The following STAG1 variants were observed in gnomAD, a reference collection of about 807,000 sequenced individuals.
STAG1 encodes STAG1 cohesin complex component.
A neutral mutation model predicts 170.9 loss-of-function variants in STAG1; 26 were observed. The observed-to-expected ratio is 0.15, with a 90% confidence interval of 0.11 to 0.21. The LOEUF (loss-of-function observed/expected upper bound fraction) is 0.21, where lower values mean the gene tolerates loss of function less well. Among genes scored for constraint, STAG1 ranks in the 10% least tolerant of loss-of-function variants. The pLI, the probability that STAG1 is intolerant of heterozygous loss-of-function variation, is 1.00. For missense variants in STAG1, 964 were observed against 1,509.5 expected (o/e 0.64, Z 5.99); for synonymous variants, 514 against 497.7 (o/e 1.03, Z -0.44).
intron 1 of STAG1, among the ~76,000 whole-genome samples, chr3:136,631,723 A>G (rs1165038690): frequency 1.3e-5 from 2 of 152,194 alleles, no homozygotes; most frequent in Non-Finnish European, 2.9e-5. Context: ...GGCTCTAAAA[A>G]ACATAAAGTC....
At chr3:136,504,678 C>T (rs1933665844) in intron 7 of STAG1, among the ~76,000 whole-genome samples, 1 of 152,170 alleles carries the variant, frequency 6.6e-6, no homozygotes, top group South Asian at 2.1e-4. Flanking sequence ...TCAGTATCTA[C>T]CTCTACATAC....
intron 1 of STAG1, among the ~76,000 whole-genome samples, chr3:136,698,829 TG>T (rs1027628521): frequency 4.9e-4 from 75 of 152,012 alleles, no homozygotes; most frequent in Non-Finnish European, 3.2e-4. Context: ...AACCAATGAG[TG>T]GATGAAATAA....
In STAG1 at chr3:136,617,807, G is replaced by C. The variant is rs543502662; in HGVS notation, c.132+5339C>G. On this transcript the variant is annotated intron_variant, in intron 3 of 33. Coordinates refer to ENST00000383202, the MANE Select transcript of STAG1 (RefSeq NM_005862.3). ...TTTGATTTATAATGCTAAACCAAGA[G>C]GGTGGGCAAATAAAAATTTTGGTAT... Among the ~76,000 whole-genome samples the C allele has an allele frequency of 1.5e-3, 224 of 152,172 alleles. 2 individuals are homozygous for C. The highest frequency in any genetic ancestry group is 4.9e-3 in the African/African-American group (205 of 41,534).
intron 1 of STAG1, among the ~76,000 whole-genome samples, chr3:136,719,619 G>A (rs1394499051): frequency 1.5e-5 from 2 of 137,012 alleles, no homozygotes; most frequent in Non-Finnish European, 3.2e-5. Flanking sequence ...GGGTGGGTAG[G>A]TGGGTGGCTG....
chr3:136,621,132 C>CA (rs1043926417), intron 3 of STAG1, among the ~76,000 whole-genome samples: 198 of 139,456 alleles, frequency 1.4e-3, no homozygotes, highest in South Asian at 6.3e-3. Flanking sequence ...GGTTCCGTCT[C>CA]AAAAAAAAAA....
intron 13 of STAG1, among the ~76,000 whole-genome samples, chr3:136,464,291 C>T (rs1049292738): frequency 1.3e-5 from 2 of 151,766 alleles, no homozygotes; most frequent in Non-Finnish European, 2.9e-5. Flanking sequence ...GGCAGGGTGG[C>T]GCATGCCTGT....
At chr3:136,583,953 C>T (rs1398687946) in intron 4 of STAG1, among the ~76,000 whole-genome samples, 1 of 152,124 alleles carries the variant, frequency 6.6e-6, no homozygotes, top group Non-Finnish European at 1.5e-5. Flanking sequence ...TAGTATTTTC[C>T]CCACTGTAAA....
intron 1 of STAG1, among the ~76,000 whole-genome samples, chr3:136,687,015 C>T (rs773963045): frequency 1.3e-5 from 2 of 152,124 alleles, no homozygotes; most frequent in Non-Finnish European, 2.9e-5. Context: ...CTGGGACCAT[C>T]CAGTTGGATG....
intron 7 of STAG1, among the ~76,000 whole-genome samples, chr3:136,511,162 C>T (rs949836202): frequency 1.3e-5 from 2 of 152,194 alleles, no homozygotes; most frequent in African/African-American, 4.8e-5. Flanking sequence ...CCTGCTTCTC[C>T]TTTGCATTCT....
chr3:136,669,153 T>C (rs550970578), intron 1 of STAG1, among the ~76,000 whole-genome samples: 1 of 152,322 alleles, frequency 6.6e-6, no homozygotes, highest in South Asian at 2.1e-4. Flanking sequence ...GTTGTAGTAT[T>C]ACCTCTGTCA....
At chr3:136,570,069 G>C (rs1038342617) in intron 4 of STAG1, among the ~76,000 whole-genome samples, 1 of 151,930 alleles carries the variant, frequency 6.6e-6, no homozygotes, top group African/African-American at 2.4e-5. Flanking sequence ...GTGTACTAAG[G>C]TATATTTATA....
intron 1 of STAG1, among the ~76,000 whole-genome samples, chr3:136,746,542 G>A (rs1213538229): frequency 6.6e-6 from 1 of 152,032 alleles, no homozygotes; most frequent in Non-Finnish European, 1.5e-5. Flanking sequence ...TGTCTTAATT[G>A]CCTCTTCATG....
At chr3:136,427,413 GA>G (rs886610938) in intron 16 of STAG1, among the ~76,000 whole-genome samples, 2 of 152,112 alleles carry the variant, frequency 1.3e-5, no homozygotes, top group African/African-American at 2.4e-5. Flanking sequence ...TCTCTCCAGT[GA>G]ATTGTGTATC....
rs79379230 is a variant in STAG1, at chr3:136,627,397, C to G, written c.29+3473G>C. On this transcript the variant is annotated intron_variant, in intron 2 of 33. Coordinates refer to ENST00000383202, the MANE Select transcript of STAG1 (RefSeq NM_005862.3). ...GCCATAAATATTTAGGCTTTTGCAT[C>G]TCTCTGTCTCTCTCTCTCAAAATAT... Among the ~76,000 whole-genome samples, 13 of 152,264 alleles carry G rather than the reference C, an allele frequency of 8.5e-5. No individual in the cohort carries two copies. The East Asian group carries it at 2.1e-3, about 25-fold the overall frequency.
At chr3:136,419,298 A>G (rs1299864482) in intron 20 of STAG1, among the ~76,000 whole-genome samples, 2 of 152,186 alleles carry the variant, frequency 1.3e-5, no homozygotes, top group Non-Finnish European at 2.9e-5. Context: ...CTGCTTTTGA[A>G]TTTTGAAGTA....
At chr3:136,408,565 T>C (rs913340027) in intron 21 of STAG1, among the ~76,000 whole-genome samples, 1 of 151,948 alleles carries the variant, frequency 6.6e-6, no homozygotes, top group Non-Finnish European at 1.5e-5. Context: ...ACTAAAGATA[T>C]GGTAGTGGGG....
At chr3:136,655,025 T>C (rs1046555140) in intron 1 of STAG1, among the ~76,000 whole-genome samples, 7 of 152,278 alleles carry the variant, frequency 4.6e-5, no homozygotes, top group Middle Eastern at 3.4e-3. Context: ...TGACCTAAAA[T>C]TATAAAACTC....
chr3:136,610,357 CAACA>C (rs1048642073), intron 3 of STAG1, among the ~76,000 whole-genome samples: 107 of 152,186 alleles, frequency 7.0e-4, no homozygotes, highest in Admixed American at 1.2e-3. Context: ...TTCTAAAAAC[CAACA>C]AACAAACAAA....
intron 6 of STAG1, among the ~76,000 whole-genome samples, chr3:136,524,765 G>A (rs561330691): frequency 4.6e-5 from 7 of 152,208 alleles, no homozygotes; most frequent in East Asian, 3.9e-4. Flanking sequence ...TTTGAGATAC[G>A]TCCCATCAAT....
Sources: allele counts gnomAD v4.1 joint callset (sites outside exome capture counted in the v4.1 genomes callset), GRCh38; gene constraint gnomAD v4.1.1; transcripts MANE v1.5; gene names NCBI Gene and HGNC (gene_info 2026-07-23, HGNC 2026-07-21).